Variants in TMEM135 observed in about 807,000 individuals in gnomAD.
TMEM135 encodes peroxisomal membrane protein 52.
TMEM135 carries 30 observed loss-of-function variants against 60.3 expected under a neutral mutation model. The ratio of observed to expected loss-of-function variants is 0.50; its 90% CI spans 0.37 to 0.68. The LOEUF (loss-of-function observed/expected upper bound fraction) is 0.68. Ranked by LOEUF, TMEM135 falls within the 30% of genes least tolerant of loss-of-function variation. The pLI, the probability that TMEM135 is intolerant of heterozygous loss-of-function variation, is 0.00. For missense variants in TMEM135, 468 were observed against 548.8 expected, an observed-to-expected ratio of 0.85 and a Z score of 1.47; for synonymous variants, 190 against 186.7, an observed-to-expected ratio of 1.02 and a Z score of -0.14.
chr11:87,168,936 A>C (rs1440266048), intron 5 of TMEM135, among the ~76,000 whole-genome samples: 3 of 152,018 alleles, frequency 2.0e-5, no homozygotes. Flanking sequence ...TGGGAGTCTA[A>C]GTCTCTTTGT....
At chr11:87,128,721 T>C (rs921261055) in intron 4 of TMEM135, among the ~76,000 whole-genome samples, 4 of 152,292 alleles carry the variant, frequency 2.6e-5, no homozygotes, top group Middle Eastern at 3.4e-3. Context: ...AAACCAAACA[T>C]GTACACATCA....
intron 1 of TMEM135, among the ~76,000 whole-genome samples, chr11:87,056,495 G>C (rs1280802418): frequency 6.6e-6 from 1 of 152,162 alleles, no homozygotes; most frequent in Non-Finnish European, 1.5e-5. Context: ...TTCTGGTTCA[G>C]GTAGGTGGTT....
At chr11:87,125,534 A>G (rs1440016634) in intron 4 of TMEM135, among the ~76,000 whole-genome samples, 1 of 152,214 alleles carries the variant, frequency 6.6e-6, no homozygotes, top group Admixed American at 6.5e-5. Context: ...CATTTGATTT[A>G]TAGCTAAGGA....
intron 4 of TMEM135, among the ~76,000 whole-genome samples, chr11:87,113,241 A>G (rs957117566): frequency 2.6e-5 from 4 of 152,078 alleles, no homozygotes; most frequent in African/African-American, 7.2e-5. Context: ...GTCAGGCAAG[A>G]ATTACTTTTC....
At chr11:87,318,811 A>G (rs1942774260) in intron 13 of TMEM135, among the ~76,000 whole-genome samples, 1 of 151,974 alleles carries the variant, frequency 6.6e-6, no homozygotes, top group Non-Finnish European at 1.5e-5. Context: ...TCAATATCTC[A>G]GTAAATGCTT....
At chr11:87,110,789 T>A (rs989690) in intron 4 of TMEM135, among the ~76,000 whole-genome samples, 21,675 of 151,684 alleles carry the variant, frequency 0.14, 1,654 homozygotes, top group Non-Finnish European at 0.17. Context: ...TGTGTGTGTG[T>A]GATGAATAAA....
At chr11:87,183,135 A>ATTTTTTTTTTTTTTTTTTTTTTTTTT (rs772123636) in intron 5 of TMEM135, among the ~76,000 whole-genome samples, 1 of 92,608 alleles carries the variant, frequency 1.1e-5, no homozygotes, top group Non-Finnish European at 2.0e-5. Flanking sequence ...GTAATCACTA[A>ATTTTTTTTTTTTTTTTTTTTTTTTTT]TTTTTTTTTT....
chr11:87,305,485 G>A lies in TMEM135; in HGVS notation c.699-451G>A, dbSNP rs117432312. ...CAAAAGTGACACACATTTAGAAGTA[G>A]TGAGTGGGCCAGGCACGGTGGCTCA... On this transcript the variant is annotated intron_variant, in intron 8 of 14. Transcript: ENST00000305494. Among the ~76,000 whole-genome samples the A allele has an allele frequency of 7.2e-3, 1,101 of 152,184 alleles. 4 individuals carry two copies. The highest frequency in any genetic ancestry group is 0.012 in the Non-Finnish European group (784 of 67,996).
chr11:87,131,352 G>A (rs1341487939), intron 4 of TMEM135, among the ~76,000 whole-genome samples: 1 of 52,946 alleles, frequency 1.9e-5, no homozygotes, highest in African/African-American at 6.3e-5. Flanking sequence ...ATCCCTTGCA[G>A]CCACTTTTTA....
Position 87,323,003 on chromosome 11 carries a change from T to C in TMEM135, c.*1670T>C, listed in dbSNP as rs1942851439. 2.2e-6 allele frequency: 1 copy of C among 454,318 alleles called. No homozygotes were observed. The highest frequency in any genetic ancestry group is 2.4e-5 in the Admixed American group (1 of 42,540). The allele number at this position is 454,318 out of a possible 1,614,324, so 28.1% of individuals were successfully genotyped here. A position where few individuals can be genotyped will look rare whatever the true frequency, so the allele number is the denominator to read the frequency against. ...TTGGTACTGTGTTTACTGTTTAAAA[T>C]GAAGTACTAAAGCCCTGAGAACTGC... On this transcript the variant is annotated 3_prime_UTR_variant, in exon 15 of 15. Transcript: ENST00000305494.
At chr11:87,175,870 A>G (rs939452623) in intron 5 of TMEM135, among the ~76,000 whole-genome samples, 9 of 148,954 alleles carry the variant, frequency 6.0e-5, no homozygotes, top group Admixed American at 4.1e-4. Context: ...ATATATAGAA[A>G]ATGTTTCTTT....
chr11:87,104,478 T>G (rs1038354671), intron 4 of TMEM135, among the ~76,000 whole-genome samples: 33 of 152,210 alleles, frequency 2.2e-4, no homozygotes, highest in African/African-American at 7.2e-4. Flanking sequence ...AAAAATTACA[T>G]TGGAATTTCA....
rs376999371 is a variant in TMEM135, at chr11:87,289,437, C to CTTTTTTTTT, written c.510-6324_510-6316dup. ...TATCCTTTAACAAATATCTCCATATCTTTTTTTTTTTTTTTTTTTTTTTTT... is the reference window on the plus strand; with the variant it reads ...TATCCTTTAACAAATATCTCCATATCTTTTTTTTTTTTTTTTTTTTTTTTTTTTTTTTTT... On this transcript the variant is annotated intron_variant, in intron 6 of 14. Transcript: ENST00000305494. Among the ~76,000 whole-genome samples, 40 of 87,574 alleles carry CTTTTTTTTT rather than the reference C, an allele frequency of 4.6e-4. 2 individuals carry two copies. The highest frequency in any genetic ancestry group is 1.1e-3 in the East Asian group (2 of 1,776). The allele number at this position is 87,574 out of a possible 152,430, so 57.5% of individuals were successfully genotyped here. A position where few individuals can be genotyped will look rare whatever the true frequency, so the allele number is the denominator to read the frequency against.
chr11:87,171,751 C>A (rs117551822), intron 5 of TMEM135, among the ~76,000 whole-genome samples: 3,181 of 152,178 alleles, frequency 0.021, 35 homozygotes, highest in South Asian at 0.032. Context: ...CTTTTTGGCA[C>A]GAGGGACCGG....
At chr11:87,251,665 C>T (rs1311211738) in intron 6 of TMEM135, among the ~76,000 whole-genome samples, 2 of 151,796 alleles carry the variant, frequency 1.3e-5, no homozygotes, top group Non-Finnish European at 2.9e-5. Flanking sequence ...CTGAACCTTC[C>T]TACATGTGAT....
At chr11:87,244,669 T>G (rs1404853279) in intron 6 of TMEM135, among the ~76,000 whole-genome samples, 1 of 99,184 alleles carries the variant, frequency 1.0e-5, no homozygotes, top group South Asian at 3.5e-4. Flanking sequence ...TGATGGTAGT[T>G]TGTATTTCTG....
At position 87,146,235 on chromosome 11, in the gene TMEM135, G is replaced by A. The variant is rs182660934; in HGVS notation, c.397-11106G>A. The stretch of plus-strand genomic sequence containing the variant: ...GTACTTTTGTCAAAAATCAGTGGAA[G>A]CCATGTGTGGTGGCATGTGCCTGTA... On this transcript the variant is annotated intron_variant, in intron 4 of 14. Transcript: ENST00000305494. 3.3e-5 allele frequency among the ~76,000 whole-genome samples: 5 copies of A among 152,308 alleles called. No homozygotes were observed. In the East Asian group the frequency reaches 7.7e-4, roughly 23 times the overall value.
At chr11:87,153,141 G>T (rs1938600948) in intron 4 of TMEM135, among the ~76,000 whole-genome samples, 1 of 152,078 alleles carries the variant, frequency 6.6e-6, no homozygotes, top group Non-Finnish European at 1.5e-5. Flanking sequence ...ACATATTTTT[G>T]ATTATTAAAG....
intron 6 of TMEM135, among the ~76,000 whole-genome samples, chr11:87,272,045 TCTTTTC>T (rs1941873347): frequency 1.4e-5 from 1 of 72,350 alleles, no homozygotes; most frequent in Non-Finnish European, 4.3e-5. Flanking sequence ...TCTTTCTTTT[TCTTTTC>T]TTTTTTTTTT....
Sources: gnomAD v4.1 joint callset for allele counts (sites outside exome capture counted in the v4.1 genomes callset) on GRCh38, gnomAD v4.1.1 for gene constraint, MANE v1.5 for transcripts, NCBI Gene and HGNC (gene_info 2026-07-23, HGNC 2026-07-21) for gene names.